ANKRD16: variants seen among roughly 807,000 people sequenced by gnomAD.
ANKRD16 encodes the protein ankyrin repeat domain-containing protein 16.
In ANKRD16, 35 loss-of-function variants were observed where a neutral mutation model predicts 37.9. That is an observed-to-expected ratio of 0.92 (90% CI 0.71 to 1.23). The LOEUF (loss-of-function observed/expected upper bound fraction) is 1.23, where lower values mean the gene tolerates loss of function less well. ANKRD16 is among the 50% of genes most tolerant of loss of function. The pLI, the probability that ANKRD16 is intolerant of heterozygous loss-of-function variation, is 0.00. For synonymous variants in ANKRD16, 206 were observed against 197.2 expected, an observed-to-expected ratio of 1.04 and a Z score of -0.37; for missense variants, 480 against 469.9, an observed-to-expected ratio of 1.02 and a Z score of -0.20.
chr10:5,883,896 T>G (rs1299015480), intron 4 of ANKRD16, 73 bp downstream of exon 4: 2 of 1,329,392 alleles, frequency 1.5e-6, no homozygotes, highest in Non-Finnish European at 2.1e-6. Context: ...TGAGTAACAA[T>G]GTGCTCTGCT....
At chr10:5,886,266 T>TTC (rs57613652) in intron 2 of ANKRD16, among the ~76,000 whole-genome samples, 12,824 of 152,302 alleles carry the variant, frequency 0.084, 602 homozygotes, top group African/African-American at 0.11. Flanking sequence ...AAAAAAAGTT[T>TTC]TCTACTTACT....
Position 5,864,382 on chromosome 10 carries a change from G to A in ANKRD16, c.*34-1691C>T, listed in dbSNP as rs536980120. On this transcript the variant is annotated intron_variant, in intron 7 of 7. Transcript: ENST00000380094. This position sits in a 1 kb window ranked among gnomAD's most constrained non-coding sequence, Gnocchi z 4.4. ...GGTTATGTCCTTTTCAAGCTGTATG[G>A]GGAGGGGAATTTGGCCCAACCCGGG... 2.0e-5 allele frequency among the ~76,000 whole-genome samples: 3 copies of A among 152,050 alleles called. No individual in the cohort carries two copies. The highest frequency in any genetic ancestry group is 7.3e-5 in the African/African-American group (3 of 41,360).
chr10:5,887,708 C>T lies in ANKRD16; in HGVS notation c.535+139G>A, dbSNP rs76697426. On this transcript the variant is annotated intron_variant, in intron 2 of 7. Coordinates refer to ENST00000380094, the MANE Select transcript of ANKRD16 (RefSeq NM_019046.3). ...GCCCCCGCCCCCACCCCCTCCCCCC[C>T]AGATGTTCTTATTCTCTGCCTTCTG... 3.2e-4 allele frequency: 63 copies of T among 194,166 alleles called. 1 individual carries two copies. The highest frequency in any genetic ancestry group is 1.3e-3 in the African/African-American group (56 of 41,932). 12.0% of individuals were successfully genotyped at this position (194,166 alleles called of 1,614,324 possible). A position where few individuals can be genotyped will look rare whatever the true frequency, so the allele number is the denominator to read the frequency against.
In ANKRD16 at chr10:5,880,356, A is replaced by C. The variant is rs1842275923; in HGVS notation, c.870T>G (p.Ile290Met). 6.2e-7 allele frequency: 1 copy of C among 1,605,508 alleles called. No individual in the cohort carries two copies. The highest frequency in any genetic ancestry group is 1.7e-5 in the Admixed American group (1 of 58,564). Residue 290 changes from isoleucine (I) to methionine (M), a missense_variant, in exon 6 of 8, where the codon ATT becomes ATG. Transcript: ENST00000380094. ...CAGCTCCCAAGGATAAGAGAGTCTG[A>C]ATTGTACTTGTATGTCCTTCCTGAA... ...YAAKEGHTST[I>M]QTLLSLGADI...
intron 3 of ANKRD16, 92 bp from the exon 4 acceptor site, chr10:5,884,169 T>C (rs1842373470): frequency 1.2e-6 from 1 of 849,650 alleles, no homozygotes; most frequent in Non-Finnish European, 1.9e-6. Context: ...GTGAACTGCG[T>C]GTGTGCAAAT....
In ANKRD16 at chr10:5,869,301, G is replaced by A. The variant is rs1201096798; in HGVS notation, c.*34-6610C>T. ...GTATATATCAAGGATGTGCAGCTTT[G>A]TGTACCAATTATACCTCAGTAAAAC... On this transcript the variant is annotated intron_variant, in intron 7 of 7. Coordinates refer to ENST00000380094, the MANE Select transcript of ANKRD16 (RefSeq NM_019046.3). This position sits in a 1 kb window ranked among gnomAD's most constrained non-coding sequence, Gnocchi z 4.0. 2.6e-5 allele frequency among the ~76,000 whole-genome samples: 4 copies of A among 152,160 alleles called. No homozygotes were observed. The highest frequency in any genetic ancestry group is 5.9e-5 in the Non-Finnish European group (4 of 68,028).
chr10:5,878,097 C>T lies in ANKRD16; in HGVS notation c.*33G>A, dbSNP rs1194292714. 6.2e-7 allele frequency: 1 copy of T among 1,601,354 alleles called. No individual in the cohort carries two copies. Among genetic ancestry groups the T allele is most frequent in the East Asian group, 2.2e-5 (1 of 44,518 alleles). The stretch of plus-strand genomic sequence containing the variant: ...ACTTAAGAAGCAGGATATGAATTAC[C>T]ATGCACTTTATTGCCTCCTCTTGGA... On this transcript the variant is annotated splice_region_variant and 3_prime_UTR_variant, in exon 7 of 8. Coordinates refer to ENST00000380094, the MANE Select transcript of ANKRD16 (RefSeq NM_019046.3). This position sits in a 1 kb window ranked among gnomAD's most constrained non-coding sequence, Gnocchi z 5.1.
intron 7 of ANKRD16, among the ~76,000 whole-genome samples, chr10:5,877,077 A>T (rs550104271): frequency 6.6e-6 from 1 of 152,124 alleles, no homozygotes; most frequent in Admixed American, 6.6e-5. Context: ...AACTCAGGTT[A>T]ACAGAAGTTT....
At chr10:5,876,959 T>C (rs1170944404) in intron 7 of ANKRD16, among the ~76,000 whole-genome samples, 1 of 152,224 alleles carries the variant, frequency 6.6e-6, no homozygotes, top group Non-Finnish European at 1.5e-5. Context: ...GAGGCTATAA[T>C]ATTTTTTAAA....
In ANKRD16 at chr10:5,869,673, G is replaced by C. The variant is rs1012162638; in HGVS notation, c.*34-6982C>G. ...CTTGAGGCTGGGGAGGAACCGGCAG[G>C]GTGAACGCGAGTATTTCTCCTCATG... On this transcript the variant is annotated intron_variant, in intron 7 of 7. Transcript: ENST00000380094. This position sits in a 1 kb window ranked among gnomAD's most constrained non-coding sequence, Gnocchi z 4.0. Among the ~76,000 whole-genome samples the C allele has an allele frequency of 1.3e-5, 2 of 151,336 alleles. No homozygotes were observed. Among genetic ancestry groups the C allele is most frequent in the Non-Finnish European group, 2.9e-5 (2 of 67,902 alleles).
chr10:5,862,687 C>A lies in ANKRD16; in HGVS notation c.*38G>T. 2 of 1,289,620 alleles carry A rather than the reference C, an allele frequency of 1.6e-6. No individual in the cohort carries two copies. Among genetic ancestry groups the A allele is most frequent in the Non-Finnish European group, 2.0e-6 (2 of 988,788 alleles). 79.9% of individuals were successfully genotyped at this position (1,289,620 alleles called of 1,614,324 possible). On this transcript the variant is annotated 3_prime_UTR_variant, in exon 8 of 8. Transcript: ENST00000380094. This position sits in a 1 kb window ranked among gnomAD's most constrained non-coding sequence, Gnocchi z 6.5. ...AAACGAAAGGTGCTCAGGCTCCCAG[C>A]AACTCTGTGAAGAAAGAGTTATTAT...
rs976512016 is a variant in ANKRD16, at chr10:5,869,904, C to T, written c.*34-7213G>A. ...TGATGCTGAGGTCTGCAGTAAGGAT[C>T]GCATCACTTAGCATGGTATCCAGTA... On this transcript the variant is annotated intron_variant, in intron 7 of 7. Transcript: ENST00000380094. This position sits in a 1 kb window ranked among gnomAD's most constrained non-coding sequence, Gnocchi z 4.0. Among the ~76,000 whole-genome samples, 12 of 152,076 alleles carry T rather than the reference C, an allele frequency of 7.9e-5. No individual in the cohort carries two copies. Among genetic ancestry groups the T allele is most frequent in the East Asian group, 3.9e-4 (2 of 5,192 alleles).
Position 5,864,226 on chromosome 10 carries a change from T to A in ANKRD16, c.*34-1535A>T, listed in dbSNP as rs1841983057. Among the ~76,000 whole-genome samples, 1 of 152,114 alleles carries A rather than the reference T, an allele frequency of 6.6e-6. No homozygotes were observed. ...ACATCCCACAGGAGGACTTCTCAGC[T>A]TACCCCCAGATCCTAGCCTCCCTAT... On this transcript the variant is annotated intron_variant, in intron 7 of 7. Transcript: ENST00000380094. The surrounding 1 kb of genome is among the most constrained non-coding windows in gnomAD (Gnocchi z 4.4).
At position 5,889,181 on chromosome 10, in the gene ANKRD16, C is replaced by T; in HGVS notation, c.174G>A (p.Glu58=). The T allele has an allele frequency of 4.4e-6, 7 of 1,598,270 alleles. No individual in the cohort carries two copies. The highest frequency in any genetic ancestry group is 2.2e-5 in the East Asian group (1 of 44,810). ...TGGCCTCGATGTCCATGCCCCAGGC[C>T]TCGGCCAGATAGGCCAGCACGTCCC... is the stretch of plus-strand genomic sequence containing the variant. ...GHRDVLAYLA[E]AWGMDIEATN... The change falls in exon 1 of 8, where the codon GAG becomes GAA. Residue 58 remains glutamate (E), a synonymous_variant. Coordinates refer to ENST00000380094, the MANE Select transcript of ANKRD16 (RefSeq NM_019046.3).
At chr10:5,872,777 T>A (rs182407892) in intron 7 of ANKRD16, among the ~76,000 whole-genome samples, 33 of 146,934 alleles carry the variant, frequency 2.2e-4, no homozygotes, top group Admixed American at 1.6e-3. Flanking sequence ...AAGATGGTCT[T>A]AATTTCCTGA....
chr10:5,875,110 C>T (rs796496587), intron 7 of ANKRD16, among the ~76,000 whole-genome samples: 4 of 151,874 alleles, frequency 2.6e-5, no homozygotes, highest in South Asian at 2.1e-4. Flanking sequence ...CGCCAGACTG[C>T]GGGGGGTGGG....
In ANKRD16 at chr10:5,882,996, A is replaced by T. The variant is rs1286126806; in HGVS notation, c.849+10T>A. On this transcript the variant is annotated intron_variant, in intron 5 of 7. Coordinates refer to ENST00000380094, the MANE Select transcript of ANKRD16 (RefSeq NM_019046.3). ...GGGAAGCTCGGACAACGTTATAAGAAGTAACAAACCTTAGCTGCATAATGA... is the reference window on the plus strand; with the variant it reads ...GGGAAGCTCGGACAACGTTATAAGATGTAACAAACCTTAGCTGCATAATGA... 1 of 1,611,930 alleles carries T rather than the reference A, an allele frequency of 6.2e-7. No individual in the cohort carries two copies. The highest frequency in any genetic ancestry group is 1.3e-5 in the African/African-American group (1 of 74,924).
At chr10:5,873,014 C>G (rs1427470060) in intron 7 of ANKRD16, among the ~76,000 whole-genome samples, 2 of 148,384 alleles carry the variant, frequency 1.3e-5, no homozygotes, top group Non-Finnish European at 3.0e-5. Flanking sequence ...TGTGCCCCAC[C>G]ACACCTGGCT....
At chr10:5,880,473 G>C (rs555692126) in intron 5 of ANKRD16, 97 bp from the exon 6 acceptor site, 2 of 651,960 alleles carry the variant, frequency 3.1e-6, no homozygotes, top group East Asian at 6.4e-5. Flanking sequence ...CAATTTAGAA[G>C]TTTATTTTGC....
Sources: allele counts gnomAD v4.1 joint callset (sites outside exome capture counted in the v4.1 genomes callset), GRCh38; gene constraint gnomAD v4.1.1; non-coding constraint Gnocchi (gnomAD v3.1); transcripts MANE v1.5; gene names NCBI Gene and HGNC (gene_info 2026-07-23, HGNC 2026-07-21).